The following SEMA3E variants were observed in gnomAD, a reference collection of about 807,000 sequenced individuals.
SEMA3E encodes the protein semaphorin 3E.
A neutral mutation model predicts 93.6 loss-of-function variants in SEMA3E; 49 were observed. That is an observed-to-expected ratio of 0.52 (90% CI 0.42 to 0.66). The LOEUF is 0.66. Among genes scored for constraint, SEMA3E ranks in the 30% least tolerant of loss-of-function variants. The probability of loss-of-function intolerance (pLI) is 0.00; values close to 1 mark genes in which losing one functional copy is unlikely to be tolerated. For missense variants in SEMA3E, 906 were observed against 964.8 expected, an observed-to-expected ratio of 0.94 and a Z score of 0.81; for synonymous variants, 363 against 330.7, an observed-to-expected ratio of 1.10 and a Z score of -1.06.
At position 83,605,514 on chromosome 7, in the gene SEMA3E, T is replaced by A. The variant is rs951538074; in HGVS notation, c.115+42914A>T. On this transcript the variant is annotated intron_variant, in intron 1 of 16. Coordinates refer to ENST00000643230, the MANE Select transcript of SEMA3E (RefSeq NM_012431.3). Reference sequence around the variant, plus strand: ...GGTGCGATCTCAATTCACTGCAAACTCCACCTCCCAGGATCAAGCGATTAT... The same window carrying A: ...GGTGCGATCTCAATTCACTGCAAACACCACCTCCCAGGATCAAGCGATTAT... 2.0e-5 allele frequency among the ~76,000 whole-genome samples: 3 copies of A among 151,632 alleles called. No homozygotes were observed. The South Asian group carries it at 6.3e-4, about 32-fold the overall frequency.
chr7:83,602,358 A>G (rs1475237468), intron 1 of SEMA3E, among the ~76,000 whole-genome samples: 1 of 152,202 alleles, frequency 6.6e-6, no homozygotes, highest in Non-Finnish European at 1.5e-5. Flanking sequence ...CTGCCTTCAC[A>G]AACTTCTTTT....
intron 4 of SEMA3E, among the ~76,000 whole-genome samples, chr7:83,465,014 G>A (rs952297431): frequency 1.1e-4 from 1 of 9,322 alleles, no homozygotes; most frequent in Non-Finnish European, 0.01. Flanking sequence ...TGAAGTAACT[G>A]AAGAATCAAA....
intron 1 of SEMA3E, among the ~76,000 whole-genome samples, chr7:83,500,574 C>T (rs1242061349): frequency 2.1e-5 from 3 of 143,264 alleles, no homozygotes; most frequent in African/African-American, 7.6e-5. Context: ...ATCTATACAT[C>T]TATCTAACTT....
chr7:83,536,932 AAG>A (rs1441797046), intron 1 of SEMA3E, among the ~76,000 whole-genome samples: 1 of 152,094 alleles, frequency 6.6e-6, no homozygotes, highest in African/African-American at 2.4e-5. Context: ...TATTTGGAGA[AAG>A]GGCTTTTAGA....
At chr7:83,390,303 A>G (rs947771827) in intron 14 of SEMA3E, among the ~76,000 whole-genome samples, 1 of 150,366 alleles carries the variant, frequency 6.7e-6, no homozygotes, top group Non-Finnish European at 1.5e-5. Flanking sequence ...CTATATATAT[A>G]TGGAGAAGTT....
At chr7:83,645,162 C>T (rs1210097947) in intron 1 of SEMA3E, among the ~76,000 whole-genome samples, 3 of 151,978 alleles carry the variant, frequency 2.0e-5, no homozygotes, top group Admixed American at 6.6e-5. Flanking sequence ...AAGGAGAGAA[C>T]AGATATCAAC....
chr7:83,626,857 C>T (rs1301296298), intron 1 of SEMA3E, among the ~76,000 whole-genome samples: 6 of 152,106 alleles, frequency 3.9e-5, no homozygotes, highest in African/African-American at 1.4e-4. Context: ...CCATAAATTT[C>T]CCTCTAAACA....
chr7:83,396,444 A>T (rs1788123516), intron 12 of SEMA3E, among the ~76,000 whole-genome samples, 194 bp downstream of exon 12: 1 of 152,104 alleles, frequency 6.6e-6, no homozygotes, highest in Admixed American at 6.6e-5. Context: ...CTGGGTAAAT[A>T]TTGATCTCTC....
chr7:83,495,077 C>G (rs1307045488), intron 1 of SEMA3E, among the ~76,000 whole-genome samples: 1 of 151,770 alleles, frequency 6.6e-6, no homozygotes, highest in Non-Finnish European at 1.5e-5. Flanking sequence ...TTTATAATAC[C>G]ATAAATTTGT....
chr7:83,550,939 C>A (rs1471986909), intron 1 of SEMA3E, among the ~76,000 whole-genome samples: 1 of 152,008 alleles, frequency 6.6e-6, no homozygotes, highest in East Asian at 1.9e-4. Flanking sequence ...AGTTTTCAAC[C>A]TCATTAGTAA....
chr7:83,454,270 AAAATAT>A (rs1432912321), intron 4 of SEMA3E, among the ~76,000 whole-genome samples: 11 of 99,056 alleles, frequency 1.1e-4, no homozygotes, highest in Admixed American at 4.1e-4. Context: ...AAAAAAAAAA[AAAATAT>A]ATATATATAT....
intron 1 of SEMA3E, among the ~76,000 whole-genome samples, chr7:83,514,965 T>TA (rs1384506922): frequency 6.6e-6 from 1 of 152,116 alleles, no homozygotes; most frequent in African/African-American, 2.4e-5. Flanking sequence ...ACACAGAAAA[T>TA]AAAAAATGAG....
intron 1 of SEMA3E, among the ~76,000 whole-genome samples, chr7:83,577,554 A>G (rs942809169): frequency 6.6e-6 from 1 of 152,118 alleles, no homozygotes; most frequent in Admixed American, 6.6e-5. Context: ...GTAATATTAT[A>G]TTTTGTCTGT....
intron 1 of SEMA3E, chr7:83,616,805 A>C (rs1403881241): frequency 1.8e-5 from 7 of 396,474 alleles, no homozygotes; most frequent in Admixed American, 3.1e-5. Context: ...TCTCACTACA[A>C]CCTCCACCTC....
intron 1 of SEMA3E, among the ~76,000 whole-genome samples, chr7:83,643,121 T>C (rs1006408311): frequency 3.3e-5 from 5 of 151,988 alleles, no homozygotes; most frequent in Non-Finnish European, 5.9e-5. Flanking sequence ...AATTTCATGG[T>C]TTGGTGCTTT....
intron 1 of SEMA3E, among the ~76,000 whole-genome samples, chr7:83,566,163 A>ATT (rs1231214789): frequency 2.8e-4 from 36 of 128,682 alleles, no homozygotes; most frequent in African/African-American, 9.9e-4. Flanking sequence ...ACACCTGGCT[A>ATT]TTTTTTTTTT....
chr7:83,430,051 A>G (rs1337211725), intron 4 of SEMA3E, among the ~76,000 whole-genome samples: 1 of 152,244 alleles, frequency 6.6e-6, no homozygotes, highest in Admixed American at 6.5e-5. Context: ...CTTATGTTCC[A>G]AGCTTACTGT....
chr7:83,619,410 A>C (rs2115621893), intron 1 of SEMA3E, among the ~76,000 whole-genome samples: 1 of 152,046 alleles, frequency 6.6e-6, no homozygotes, highest in East Asian at 1.9e-4. Flanking sequence ...CGTGTTGCTT[A>C]TCTGGAGTTT....
Sources: gnomAD v4.1 joint callset for allele counts (sites outside exome capture counted in the v4.1 genomes callset) on GRCh38, gnomAD v4.1.1 for gene constraint, MANE v1.5 for transcripts, NCBI Gene and HGNC (gene_info 2026-07-23, HGNC 2026-07-21) for gene names.